Variants in AJAP1 observed in about 807,000 individuals in gnomAD.
AJAP1 encodes the protein adherens junction-associated protein 1.
In AJAP1, 5 loss-of-function variants were observed where a neutral mutation model predicts 35.0. The ratio of observed to expected loss-of-function variants is 0.14; its 90% CI spans 0.07 to 0.30. The LOEUF is 0.30. Among genes scored for constraint, AJAP1 ranks in the 10% least tolerant of loss-of-function variants. AJAP1 has a pLI of 1.00. For synonymous variants in AJAP1, 284 were observed against 249.3 expected (o/e 1.14, Z -1.31); for missense variants, 586 against 571.0 (o/e 1.03, Z -0.27).
rs567024596 is a variant in AJAP1, at chr1:4,782,473, C to T, written c.*60-72C>T. ...GCTGCGTGTGGGGGTCCCAGTCGAC[C>T]GAGAACCCCACAGACTTGTCGCGCC... is the stretch of plus-strand genomic sequence containing the variant. On this transcript the variant is annotated intron_variant, in intron 5 of 5. Coordinates refer to ENST00000378191, the MANE Select transcript of AJAP1 (RefSeq NM_018836.4). This position sits in a 1 kb window ranked among gnomAD's most constrained non-coding sequence, Gnocchi z 5.3. 2.6e-5 allele frequency: 8 copies of T among 304,196 alleles called. No homozygotes were observed. The highest frequency in any genetic ancestry group is 3.6e-5 in the Non-Finnish European group (6 of 166,600). 18.8% of individuals were successfully genotyped at this position (304,196 alleles called of 1,614,324 possible).
chr1:4,741,791 C>A (rs1394393975), intron 2 of AJAP1, among the ~76,000 whole-genome samples: 1 of 152,082 alleles, frequency 6.6e-6, no homozygotes, highest in African/African-American at 2.4e-5. Context: ...AGGACTGGGG[C>A]AGGGAGAGCA....
intron 2 of AJAP1, among the ~76,000 whole-genome samples, chr1:4,753,864 G>T (rs536118152): frequency 6.6e-6 from 1 of 152,180 alleles, no homozygotes; most frequent in Non-Finnish European, 1.5e-5. Context: ...GAGCCACTAC[G>T]CCTGGCCTAA....
rs531294817 is a variant in AJAP1 at position 4,702,116 on chromosome 1, G to A, written c.30-9784G>A. 6.3e-4 allele frequency among the ~76,000 whole-genome samples: 95 copies of A among 151,874 alleles called. 2 individuals carry two copies. Among genetic ancestry groups the A allele is most frequent in the South Asian group, 5.6e-3 (27 of 4,794 alleles). On this transcript the variant is annotated intron_variant, in intron 1 of 5. Coordinates refer to ENST00000378191, the MANE Select transcript of AJAP1 (RefSeq NM_018836.4). ...TCCCCAGTATTCTAACGTGTCCCCA[G>A]TATTCCAACGTGTCCCCAGTGTTCT...
At chr1:4,680,030 T>G (rs1446191131) in intron 1 of AJAP1, among the ~76,000 whole-genome samples, 2 of 152,264 alleles carry the variant, frequency 1.3e-5, no homozygotes, top group African/African-American at 2.4e-5. Flanking sequence ...GCTGGCAAGC[T>G]TGAGACTCAA....
intron 1 of AJAP1, among the ~76,000 whole-genome samples, chr1:4,677,298 TG>T (rs756444204): frequency 6.6e-6 from 1 of 152,072 alleles, no homozygotes; most frequent in Non-Finnish European, 1.5e-5. Context: ...ACAGTCAGGG[TG>T]GGCTGCAGTT....
At chr1:4,694,847 G>A (rs542261661) in intron 1 of AJAP1, among the ~76,000 whole-genome samples, 1 of 152,344 alleles carries the variant, frequency 6.6e-6, no homozygotes, top group African/African-American at 2.4e-5. Flanking sequence ...AACAGAGGAG[G>A]CTGTGCAGGA....
In AJAP1 at chr1:4,661,403, C is replaced by T. The variant is rs369680960; in HGVS notation, c.29+5949C>T. Among the ~76,000 whole-genome samples, 14 of 152,346 alleles carry T rather than the reference C, an allele frequency of 9.2e-5. No individual in the cohort carries two copies. The East Asian group carries it at 9.6e-4, about 10-fold the overall frequency. ...CACCCTCATGTTCCTCAGGGTGGCCCTGCAAGGCAGGTATTATTGCTCCCA... is the reference window on the plus strand; with the variant it reads ...CACCCTCATGTTCCTCAGGGTGGCCTTGCAAGGCAGGTATTATTGCTCCCA... On this transcript the variant is annotated intron_variant, in intron 1 of 5. Coordinates refer to ENST00000378191, the MANE Select transcript of AJAP1 (RefSeq NM_018836.4).
chr1:4,775,527 G>A (rs557740368), intron 5 of AJAP1, among the ~76,000 whole-genome samples: 1 of 152,274 alleles, frequency 6.6e-6, no homozygotes, highest in Non-Finnish European at 1.5e-5. Context: ...GTCCTCAGGG[G>A]CCCGCGGACA....
intron 5 of AJAP1, among the ~76,000 whole-genome samples, chr1:4,778,599 C>T (rs866293016): frequency 6.6e-6 from 1 of 150,540 alleles, no homozygotes; most frequent in African/African-American, 2.5e-5. Flanking sequence ...CTCTCTCTCT[C>T]TCTCTCTCTC....
At chr1:4,660,349 G>A (rs540289529) in intron 1 of AJAP1, among the ~76,000 whole-genome samples, 1 of 152,130 alleles carries the variant, frequency 6.6e-6, no homozygotes, top group Non-Finnish European at 1.5e-5. Context: ...AGAGGGTGTG[G>A]TTACAAAAGG....
intron 1 of AJAP1, among the ~76,000 whole-genome samples, chr1:4,671,205 C>G (rs1053414622): frequency 6.6e-6 from 1 of 152,028 alleles, no homozygotes; most frequent in Non-Finnish European, 1.5e-5. Flanking sequence ...CCTGTCTCTA[C>G]TAAAAATGCA....
intron 5 of AJAP1, among the ~76,000 whole-genome samples, chr1:4,774,798 T>C (rs1385863613): frequency 6.6e-6 from 1 of 152,110 alleles, no homozygotes; most frequent in Non-Finnish European, 1.5e-5. Flanking sequence ...TCATGCACCC[T>C]GATTCCACGT....
intron 2 of AJAP1, among the ~76,000 whole-genome samples, chr1:4,715,603 T>C (rs542484578): frequency 1.3e-5 from 2 of 152,310 alleles, no homozygotes; most frequent in Admixed American, 1.3e-4. Flanking sequence ...GAGAATCACT[T>C]GAACCTGGGA....
At chr1:4,769,656 A>G (rs1641788592) in intron 2 of AJAP1, among the ~76,000 whole-genome samples, 197 bp from the exon 3 acceptor site, 1 of 151,996 alleles carries the variant, frequency 6.6e-6, no homozygotes, top group Admixed American at 6.6e-5. Context: ...ACCCCGGGTG[A>G]GAGCAGCCTC....
intron 2 of AJAP1, among the ~76,000 whole-genome samples, chr1:4,760,381 G>GTGTGTTCATGCATGTGTGTTCATGCA (rs1246473500): frequency 3.9e-5 from 6 of 152,052 alleles, no homozygotes; most frequent in Non-Finnish European, 8.8e-5. Flanking sequence ...GTGTATGTGA[G>GTGTGTTCATGCATGTGTGTTCATGCA]TGTGTTCATG....
chr1:4,723,636 C>T lies in AJAP1; in HGVS notation c.829+10937C>T, dbSNP rs1036947660. Among the ~76,000 whole-genome samples the T allele has an allele frequency of 6.6e-6, 1 of 151,798 alleles. No homozygotes were observed. The highest frequency in any genetic ancestry group is 1.9e-4 in the East Asian group (1 of 5,170). ...TGGTGAGGGGAGAGTCCTGCGAGGG[C>T]GATGGAAGGGAGACGGGAGGTGAGC... On this transcript the variant is annotated intron_variant, in intron 2 of 5. Coordinates refer to ENST00000378191, the MANE Select transcript of AJAP1 (RefSeq NM_018836.4). The surrounding 1 kb of genome is among the most constrained non-coding windows in gnomAD (Gnocchi z 4.3).
At chr1:4,663,549 C>T (rs1475359588) in intron 1 of AJAP1, among the ~76,000 whole-genome samples, 2 of 152,214 alleles carry the variant, frequency 1.3e-5, no homozygotes, top group African/African-American at 4.8e-5. Flanking sequence ...CCATGGCGCC[C>T]AGGCACCTCA....
At chr1:4,671,379 A>AG (rs1000961678) in intron 1 of AJAP1, among the ~76,000 whole-genome samples, 6 of 149,966 alleles carry the variant, frequency 4.0e-5, no homozygotes, top group Non-Finnish European at 8.9e-5. Context: ...AAAAAAAAAA[A>AG]AAAAAGAATG....
chr1:4,664,579 G>A, intron 1 of AJAP1, among the ~76,000 whole-genome samples: 1 of 152,312 alleles, frequency 6.6e-6, no homozygotes. Context: ...CCCCGGTCAT[G>A]CCCTTCTGCC....
Sources: allele counts gnomAD v4.1 joint callset (sites outside exome capture counted in the v4.1 genomes callset), GRCh38; gene constraint gnomAD v4.1.1; non-coding constraint Gnocchi (gnomAD v3.1); transcripts MANE v1.5; gene names NCBI Gene and HGNC (gene_info 2026-07-23, HGNC 2026-07-21).